PRIM2: variants seen among roughly 807,000 people sequenced by gnomAD.
The protein encoded by PRIM2 is DNA primase subunit 2.
PRIM2 carries 39 observed loss-of-function variants against 67.3 expected under a neutral mutation model. The ratio of observed to expected loss-of-function variants is 0.58; its 90% confidence interval spans 0.45 to 0.76. The LOEUF is 0.76. Among genes scored for constraint, PRIM2 ranks in the 30% least tolerant of loss-of-function variants. The pLI, the probability that PRIM2 is intolerant of heterozygous loss-of-function variation, is 0.00. For missense variants in PRIM2, 398 were observed against 598.7 expected (o/e 0.66, Z 3.50); for synonymous variants, 143 against 198.7 (o/e 0.72, Z 2.36).
chr6:57,597,824 A>G (rs2127490532), intron 10 of PRIM2, among the ~76,000 whole-genome samples: 1 of 152,332 alleles, frequency 6.6e-6, no homozygotes, highest in Admixed American at 6.5e-5. Flanking sequence ...CCTGTTTTCC[A>G]AAATATGGCC....
chr6:57,645,900 A>G, intron 13 of PRIM2, 28 bp from the exon 14 acceptor site: 1 of 1,249,812 alleles, frequency 8.0e-7, no homozygotes, highest in South Asian at 1.3e-5. Context: ...CCATGCATTA[A>G]TGCAATATAA....
chr6:57,632,578 T>A (rs1341188815), intron 13 of PRIM2, among the ~76,000 whole-genome samples: 4 of 152,278 alleles, frequency 2.6e-5, no homozygotes, highest in African/African-American at 9.6e-5. Context: ...ACTGTTGTAG[T>A]GCAAAAGCAG....
chr6:57,621,950 T>C (rs1355081023), intron 12 of PRIM2, among the ~76,000 whole-genome samples: 6 of 152,120 alleles, frequency 3.9e-5, no homozygotes, highest in Non-Finnish European at 5.9e-5. Flanking sequence ...ACAGTTTTTT[T>C]TTTCTTTCTT....
intron 13 of PRIM2, among the ~76,000 whole-genome samples, chr6:57,636,341 A>T (rs1220709716): frequency 6.9e-4 from 105 of 152,298 alleles, no homozygotes; most frequent in African/African-American, 2.4e-3. Context: ...CTATTTCTCT[A>T]TTCCTTTTCC....
chr6:57,467,277 T>C (rs2127400306), intron 7 of PRIM2, among the ~76,000 whole-genome samples: 1 of 151,992 alleles, frequency 6.6e-6, no homozygotes, highest in South Asian at 2.1e-4. Flanking sequence ...TTTAAGTCTT[T>C]AATCCATCTT....
chr6:57,256,393 C>G, the PRIM2 span, among the ~76,000 whole-genome samples: 1 of 152,012 alleles, frequency 6.6e-6, no homozygotes, highest in Non-Finnish European at 1.5e-5. Flanking sequence ...ATTATAAGAT[C>G]AAATTTAAAA....
At chr6:57,290,743 G>A in the PRIM2 span, among the ~76,000 whole-genome samples, 1 of 152,168 alleles carries the variant, frequency 6.6e-6, no homozygotes, top group Non-Finnish European at 1.5e-5. Flanking sequence ...ACCAGCTCCT[G>A]AATGACTGCT....
chr6:57,295,358 TTGA>T, the PRIM2 span, among the ~76,000 whole-genome samples: 49 of 152,250 alleles, frequency 3.2e-4, no homozygotes, highest in Admixed American at 3.2e-3. Flanking sequence ...AAAAAAAAAT[TTGA>T]TTGGGAATAT....
intron 5 of PRIM2, among the ~76,000 whole-genome samples, chr6:57,340,279 A>G (rs1377165449): frequency 3.3e-5 from 5 of 152,226 alleles, no homozygotes; most frequent in African/African-American, 1.2e-4. Flanking sequence ...TAGTTCAACC[A>G]TTGTGGAAGT....
At chr6:57,551,827 T>G (rs1301262180) in intron 10 of PRIM2, among the ~76,000 whole-genome samples, 1 of 152,166 alleles carries the variant, frequency 6.6e-6, no homozygotes, top group African/African-American at 2.4e-5. Context: ...GGATGTGGTT[T>G]TAAATAGGGT....
chr6:57,468,674 C>A (rs1271741837), intron 7 of PRIM2, among the ~76,000 whole-genome samples: 80,808 of 151,934 alleles, frequency 0.53, 22,086 homozygotes, highest in South Asian at 0.63. Context: ...GGCCCCCGTT[C>A]TAAGTACTTA....
chr6:57,382,240 C>T (rs761220436), intron 7 of PRIM2, 72 bp downstream of exon 7: 1 of 1,470,340 alleles, frequency 6.8e-7, no homozygotes, highest in East Asian at 2.3e-5. Context: ...TAGTTTTATT[C>T]TGTGTTTCTC....
At chr6:57,337,045 G>A (rs1285199168) in intron 5 of PRIM2, among the ~76,000 whole-genome samples, 2 of 152,078 alleles carry the variant, frequency 1.3e-5, no homozygotes, top group Non-Finnish European at 2.9e-5. Flanking sequence ...ACAAAAAAAG[G>A]CAGGGGTTGC....
chr6:57,496,146 A>G (rs1366099761), intron 7 of PRIM2, among the ~76,000 whole-genome samples: 1 of 152,220 alleles, frequency 6.6e-6, no homozygotes, highest in African/African-American at 2.4e-5. Flanking sequence ...TTACATATAC[A>G]TGTCTTTTCT....
chr6:57,458,422 GC>G (rs1772882189), intron 7 of PRIM2, among the ~76,000 whole-genome samples: 1 of 152,126 alleles, frequency 6.6e-6, no homozygotes, highest in African/African-American at 2.4e-5. Flanking sequence ...TGTGACTCAC[GC>G]CTGTAATCCC....
intron 7 of PRIM2, among the ~76,000 whole-genome samples, chr6:57,454,339 T>C (rs1772677086): frequency 1.3e-5 from 2 of 152,236 alleles, no homozygotes; most frequent in East Asian, 3.8e-4. Context: ...TTTCTATTGA[T>C]TGGAATAGTT....
chr6:57,489,372 CG>C (rs1773828023), intron 7 of PRIM2, among the ~76,000 whole-genome samples: 5 of 139,886 alleles, frequency 3.6e-5, no homozygotes, highest in Admixed American at 2.9e-4. Context: ...CTAGCTAACA[CG>C]GTGAAACCCC....
intron 5 of PRIM2, among the ~76,000 whole-genome samples, chr6:57,377,132 C>T (rs1769794475): frequency 6.6e-6 from 1 of 151,860 alleles, no homozygotes; most frequent in African/African-American, 2.4e-5. Flanking sequence ...TCATGATCCA[C>T]CCGCCTCAGC....
chr6:57,268,604 A>G, the PRIM2 span, among the ~76,000 whole-genome samples: 1 of 151,754 alleles, frequency 6.6e-6, no homozygotes, highest in Admixed American at 6.6e-5. Flanking sequence ...ATATATGGCA[A>G]TTTCCCCCCA....
Sources: allele counts gnomAD v4.1 joint callset (sites outside exome capture counted in the v4.1 genomes callset), GRCh38; gene constraint gnomAD v4.1.1; transcripts MANE v1.5; gene names NCBI Gene and HGNC (gene_info 2026-07-23, HGNC 2026-07-21).